The following RBFOX1 variants were observed in gnomAD, a reference collection of about 807,000 sequenced individuals.
The protein encoded by RBFOX1 is RNA binding protein fox-1 homolog 1.
In RBFOX1, 8 loss-of-function variants were observed where a neutral mutation model predicts 57.7. The ratio of observed to expected loss-of-function variants is 0.14; its 90% CI spans 0.08 to 0.25. RBFOX1 has a LOEUF of 0.25. RBFOX1 is among the 10% of genes least tolerant of loss of function. The pLI, the probability that RBFOX1 is intolerant of heterozygous loss-of-function variation, is 1.00. For synonymous variants in RBFOX1, 326 were observed against 222.4 expected (o/e 1.47, Z -4.15); for missense variants, 611 against 548.5 (o/e 1.11, Z -1.14).
intron 4 of RBFOX1, among the ~76,000 whole-genome samples, chr16:5,943,300 C>T (rs1398963614): frequency 6.6e-6 from 1 of 152,168 alleles, no homozygotes; most frequent in East Asian, 1.9e-4. Flanking sequence ...TCCAGGAATC[C>T]ACAGTGGAAT....
At chr16:6,752,010 A>T (rs756877193) in intron 3 of RBFOX1, among the ~76,000 whole-genome samples, 19 of 152,154 alleles carry the variant, frequency 1.2e-4, no homozygotes, top group Non-Finnish European at 2.4e-4. Flanking sequence ...CAGTTGGAAT[A>T]GGTGACTCAG....
chr16:5,656,793 C>G (rs935303230), intron 3 of RBFOX1, among the ~76,000 whole-genome samples: 1 of 152,112 alleles, frequency 6.6e-6, no homozygotes, highest in Non-Finnish European at 1.5e-5. Context: ...TTTATCCAGT[C>G]TATCATTGAT....
chr16:6,658,748 T>G (rs2098679035), intron 3 of RBFOX1, among the ~76,000 whole-genome samples: 2 of 152,078 alleles, frequency 1.3e-5, no homozygotes, highest in Non-Finnish European at 2.9e-5. Context: ...GCTTTATGTT[T>G]TTCTTTCGCT....
chr16:5,438,455 C>G (rs145167739), intron 1 of RBFOX1, among the ~76,000 whole-genome samples: 274 of 152,284 alleles, frequency 1.8e-3, no homozygotes, highest in African/African-American at 6.3e-3. Context: ...ACTTCAAGTG[C>G]TGTCTTGACA....
chr16:5,684,842 C>A (rs560332010), intron 3 of RBFOX1, among the ~76,000 whole-genome samples: 1 of 152,186 alleles, frequency 6.6e-6, no homozygotes, highest in South Asian at 2.1e-4. Context: ...TGGTTTCCTG[C>A]GTTATGATGT....
At chr16:6,721,165 G>A (rs979094142) in intron 3 of RBFOX1, among the ~76,000 whole-genome samples, 11 of 152,236 alleles carry the variant, frequency 7.2e-5, no homozygotes, top group Non-Finnish European at 1.0e-4. Flanking sequence ...CATGTTGGCC[G>A]GGCACGGTGG....
At chr16:7,497,858 T>A (rs1364463024) in intron 4 of RBFOX1, among the ~76,000 whole-genome samples, 1 of 152,216 alleles carries the variant, frequency 6.6e-6, no homozygotes, top group Non-Finnish European at 1.5e-5. Flanking sequence ...TTCTCTGACC[T>A]CACACACAGC....
intron 3 of RBFOX1, among the ~76,000 whole-genome samples, chr16:7,008,439 C>T (rs962291769): frequency 9.2e-5 from 14 of 151,756 alleles, no homozygotes; most frequent in African/African-American, 1.5e-4. Context: ...ACTCAGAAGT[C>T]AGAGGCAGCA....
intron 10 of RBFOX1, among the ~76,000 whole-genome samples, chr16:7,610,779 A>G (rs1041803540): frequency 6.6e-6 from 1 of 152,242 alleles, no homozygotes; most frequent in Admixed American, 6.5e-5. Context: ...AGGCACCTGC[A>G]TCTATGGAAT....
intron 4 of RBFOX1, among the ~76,000 whole-genome samples, chr16:7,428,835 A>T (rs1267225241): frequency 6.6e-6 from 1 of 152,066 alleles, no homozygotes; most frequent in Non-Finnish European, 1.5e-5. Flanking sequence ...TCATCTTTAT[A>T]ATGGGAATAA....
At chr16:5,842,873 C>T (rs9888811) in intron 3 of RBFOX1, among the ~76,000 whole-genome samples, 10,760 of 152,110 alleles carry the variant, frequency 0.071, 875 homozygotes, top group African/African-American at 0.2. Context: ...GACTAGAGTG[C>T]AGTGGCATGA....
At chr16:7,543,830 C>T (rs2083664235) in intron 5 of RBFOX1, among the ~76,000 whole-genome samples, 3 of 152,216 alleles carry the variant, frequency 2.0e-5, no homozygotes, top group East Asian at 1.9e-4. Flanking sequence ...AAGTGATTCT[C>T]CTGCCTCACT....
At chr16:7,655,011 G>T (rs1260773516) in intron 12 of RBFOX1, among the ~76,000 whole-genome samples, 3 of 152,130 alleles carry the variant, frequency 2.0e-5, no homozygotes, top group Non-Finnish European at 4.4e-5. Flanking sequence ...CTGGCTTTCT[G>T]GTGTGTAGAA....
At chr16:7,146,233 T>C (rs1350057393) in intron 4 of RBFOX1, among the ~76,000 whole-genome samples, 1 of 149,026 alleles carries the variant, frequency 6.7e-6, no homozygotes, top group Non-Finnish European at 1.5e-5. Flanking sequence ...TCACAATCCA[T>C]ATGCAGGAAC....
chr16:5,854,117 G>C (rs570313354), intron 3 of RBFOX1, among the ~76,000 whole-genome samples: 2 of 152,290 alleles, frequency 1.3e-5, no homozygotes, highest in East Asian at 3.9e-4. Flanking sequence ...CATGTATTGG[G>C]AAACGCTTAC....
At chr16:5,327,704 C>A (rs1167907393) in intron 1 of RBFOX1, among the ~76,000 whole-genome samples, 1 of 152,194 alleles carries the variant, frequency 6.6e-6, no homozygotes, top group East Asian at 1.9e-4. Flanking sequence ...TCCCCGATTC[C>A]CTGGCCTCAG....
rs147727802 is a variant in RBFOX1, at chr16:6,872,148, T to C, written c.-15-179909T>C. On this transcript the variant is annotated intron_variant, in intron 3 of 15. Transcript: ENST00000550418. Reference sequence around the variant, plus strand: ...ATGATACGCTTTCTTTTCCACCAAATGGAAAACTGTGAGAGCAGTACTACG... The same window carrying C: ...ATGATACGCTTTCTTTTCCACCAAACGGAAAACTGTGAGAGCAGTACTACG... Among the ~76,000 whole-genome samples, 1,040 of 152,308 alleles carry C rather than the reference T, an allele frequency of 6.8e-3. 10 individuals are homozygous for C. Among genetic ancestry groups the C allele is most frequent in the African/African-American group, 0.024 (985 of 41,564 alleles).
intron 1 of RBFOX1, among the ~76,000 whole-genome samples, chr16:6,243,484 C>T (rs1015617690): frequency 2.0e-5 from 3 of 152,094 alleles, no homozygotes; most frequent in African/African-American, 7.2e-5. Flanking sequence ...CAGCTGCAGC[C>T]TCCCTCCCTC....
chr16:5,431,351 A>G (rs1415883447), intron 1 of RBFOX1, among the ~76,000 whole-genome samples: 1 of 152,188 alleles, frequency 6.6e-6, no homozygotes, highest in Non-Finnish European at 1.5e-5. Flanking sequence ...TCTGGGTTAC[A>G]GTAATTCTAA....
Sources: gnomAD v4.1 joint callset for allele counts (sites outside exome capture counted in the v4.1 genomes callset) on GRCh38, gnomAD v4.1.1 for gene constraint, MANE v1.5 for transcripts, NCBI Gene and HGNC (gene_info 2026-07-23, HGNC 2026-07-21) for gene names.